Variants in METTL25 observed in about 807,000 individuals in gnomAD.
METTL25 encodes probable methyltransferase-like protein 25.
METTL25 carries 64 observed loss-of-function variants against 71.6 expected under a neutral mutation model. The observed-to-expected ratio is 0.89, with a 90% confidence interval of 0.73 to 1.10. METTL25 has a LOEUF of 1.10. METTL25 is among the 50% of genes least tolerant of loss of function. The probability of loss-of-function intolerance (pLI) is 0.00; values close to 1 mark genes in which losing one functional copy is unlikely to be tolerated. For missense variants in METTL25, 807 were observed against 707.0 expected (o/e 1.14, Z -1.60); for synonymous variants, 287 against 250.3 (o/e 1.15, Z -1.38).
intron 5 of METTL25, among the ~76,000 whole-genome samples, chr12:82,416,949 C>T (rs1186164394): frequency 6.6e-6 from 1 of 151,984 alleles, no homozygotes; most frequent in Non-Finnish European, 1.5e-5. Flanking sequence ...ATAGAATTGT[C>T]CTGTAACCTC....
At chr12:82,386,491 C>CTCCCTCCCATCT (rs893447595) in intron 1 of METTL25, among the ~76,000 whole-genome samples, 7 of 138,684 alleles carry the variant, frequency 5.0e-5, no homozygotes, top group Non-Finnish European at 1.1e-4. Context: ...CCTTTCCTTC[C>CTCCCTCCCATCT]TCCCTCCCTT....
At chr12:82,467,306 G>A (rs1234217596) in intron 9 of METTL25, among the ~76,000 whole-genome samples, 1 of 151,650 alleles carries the variant, frequency 6.6e-6, no homozygotes, top group Non-Finnish European at 1.5e-5. Flanking sequence ...TTTATGATTG[G>A]GTGGTTTTCT....
At chr12:82,435,155 A>G (rs890776015) in intron 7 of METTL25, among the ~76,000 whole-genome samples, 4 of 151,516 alleles carry the variant, frequency 2.6e-5, no homozygotes, top group African/African-American at 9.7e-5. Flanking sequence ...GCAGTGGCCA[A>G]ATGGGTTTGC....
intron 8 of METTL25, among the ~76,000 whole-genome samples, chr12:82,445,324 A>G (rs1442374261): frequency 6.6e-6 from 1 of 152,162 alleles, no homozygotes; most frequent in African/African-American, 2.4e-5. Flanking sequence ...ATGCACACAA[A>G]CACAGACAAT....
intron 8 of METTL25, 93 bp downstream of exon 8, chr12:82,438,884 A>T: frequency 8.3e-7 from 1 of 1,204,378 alleles, no homozygotes; most frequent in Non-Finnish European, 1.1e-6. Flanking sequence ...GGTCACTGTT[A>T]TTAGTAGAAG....
At chr12:82,456,854 G>T in intron 9 of METTL25, 34 bp downstream of exon 9, 1 of 1,036,890 alleles carries the variant, frequency 9.6e-7, no homozygotes, top group South Asian at 1.9e-5. Flanking sequence ...TTTCAGAAAA[G>T]ACAGAAGAAC....
chr12:82,401,389 A>G (rs964697110), intron 4 of METTL25, among the ~76,000 whole-genome samples: 1 of 152,060 alleles, frequency 6.6e-6, no homozygotes, highest in African/African-American at 2.4e-5. Flanking sequence ...TGTTTTCTGA[A>G]TTTTATTATA....
At chr12:82,370,386 G>T (rs1184598230) in intron 1 of METTL25, among the ~76,000 whole-genome samples, 1 of 152,226 alleles carries the variant, frequency 6.6e-6, no homozygotes, top group Non-Finnish European at 1.5e-5. Flanking sequence ...GAGAAGCCAG[G>T]TTGCCCAACT....
chr12:82,471,105 C>G (rs1892543620), intron 9 of METTL25, among the ~76,000 whole-genome samples: 1 of 152,226 alleles, frequency 6.6e-6, no homozygotes, highest in African/African-American at 2.4e-5. Context: ...AATTGTGACT[C>G]ATGGTATTTC....
At chr12:82,422,099 T>C (rs549741922) in intron 5 of METTL25, among the ~76,000 whole-genome samples, 3 of 151,934 alleles carry the variant, frequency 2.0e-5, no homozygotes. Flanking sequence ...AACAAAAAAA[T>C]AGAATTTTAG....
chr12:82,405,400 A>G (rs900805547), intron 5 of METTL25, among the ~76,000 whole-genome samples: 1 of 152,110 alleles, frequency 6.6e-6, no homozygotes, highest in African/African-American at 2.4e-5. Flanking sequence ...TAAAATATGT[A>G]AATAGATTCA....
intron 1 of METTL25, among the ~76,000 whole-genome samples, chr12:82,372,050 C>T (rs527342650): frequency 1.1e-4 from 17 of 152,262 alleles, no homozygotes; most frequent in African/African-American, 4.1e-4. Flanking sequence ...AAGGTATCTC[C>T]AAACTCTCGT....
At chr12:82,436,533 G>C (rs564872044) in intron 7 of METTL25, among the ~76,000 whole-genome samples, 16 of 151,470 alleles carry the variant, frequency 1.1e-4, no homozygotes, top group Admixed American at 5.9e-4. Flanking sequence ...CACATTTGAA[G>C]GTATTTTATA....
At chr12:82,368,632 A>G (rs1882843177) in intron 1 of METTL25, among the ~76,000 whole-genome samples, 1 of 152,252 alleles carries the variant, frequency 6.6e-6, no homozygotes, top group Non-Finnish European at 1.5e-5. Flanking sequence ...AAGGAGACTG[A>G]TAACCAAAAA....
intron 9 of METTL25, among the ~76,000 whole-genome samples, chr12:82,472,899 G>A (rs538529895): frequency 6.6e-6 from 1 of 152,208 alleles, no homozygotes; most frequent in Admixed American, 6.5e-5. Flanking sequence ...TGTTTGATGT[G>A]TCCCTACATT....
intron 1 of METTL25, among the ~76,000 whole-genome samples, chr12:82,361,696 T>C (rs547982553): frequency 5.3e-5 from 8 of 152,260 alleles, no homozygotes; most frequent in Non-Finnish European, 8.8e-5. Context: ...CCAGCGGTGC[T>C]GGCCGGCTGC....
chr12:82,464,958 C>T (rs915129326), intron 9 of METTL25, among the ~76,000 whole-genome samples: 1 of 151,512 alleles, frequency 6.6e-6, no homozygotes, highest in African/African-American at 2.4e-5. Context: ...ATTTTATGTT[C>T]TGCAATTTTA....
At chr12:82,432,770 T>C (rs1269579778) in intron 6 of METTL25, among the ~76,000 whole-genome samples, 1 of 150,734 alleles carries the variant, frequency 6.6e-6, no homozygotes, top group African/African-American at 2.4e-5. Context: ...TTGGAAAATC[T>C]AAGGAACAAT....
chr12:82,417,405 A>G (rs944575581), intron 5 of METTL25, among the ~76,000 whole-genome samples: 3 of 152,192 alleles, frequency 2.0e-5, no homozygotes, highest in Non-Finnish European at 2.9e-5. Flanking sequence ...TAAGTAATAA[A>G]TATATTCACA....
Sources: allele counts gnomAD v4.1 joint callset (sites outside exome capture counted in the v4.1 genomes callset), GRCh38; gene constraint gnomAD v4.1.1; transcripts MANE v1.5; gene names NCBI Gene and HGNC (gene_info 2026-07-23, HGNC 2026-07-21).